Variants in STIP1 observed in about 807,000 individuals in gnomAD.
The protein encoded by STIP1 is stress-induced-phosphoprotein 1.
STIP1 carries 16 observed loss-of-function variants against 77.4 expected under a neutral mutation model. The ratio of observed to expected loss-of-function variants is 0.21; its 90% CI spans 0.14 to 0.31. The LOEUF is 0.31. Among genes scored for constraint, STIP1 ranks in the 10% least tolerant of loss-of-function variants. STIP1 has a pLI of 1.00. For synonymous variants in STIP1, 258 were observed against 246.6 expected (o/e 1.05, Z -0.44); for missense variants, 524 against 684.8 (o/e 0.77, Z 2.62).
At chr11:64,185,603 G>C (rs1946000368), upstream of STIP1, 1 of 595,742 alleles carries the variant, frequency 1.7e-6, no homozygotes, top group Admixed American at 3.1e-5. Context: ...CCCGGGGACC[G>C]CCTGGAACTC....
At position 64,203,551 on chromosome 11, in the gene STIP1, G is replaced by T; in HGVS notation, c.1488G>T (p.Gln496His). 2 of 1,614,206 alleles carry T rather than the reference G, an allele frequency of 1.2e-6. No individual in the cohort carries two copies. Among genetic ancestry groups the T allele is most frequent in the Non-Finnish European group, 1.7e-6 (2 of 1,180,042 alleles). Residue 496 changes from glutamine to histidine, a missense_variant, in exon 13 of 14, where the codon CAG (glutamine) becomes CAT (histidine). Transcript: ENST00000305218. ...KRRAMADPEV[Q>H]QIMSDPAMRL... is the part of the protein sequence containing the mutation. ...GAGCCATGGCCGACCCTGAGGTGCA[G>T]CAGATCATGAGTGACCCAGCCATGC...
chr11:64,193,260 T>C lies in STIP1; in HGVS notation c.192T>C (p.Thr64=), dbSNP rs1321683155. ...AGGCTTATGAGGATGGCTGCAAGACTGTCGACCTAAAGCCTGACTGGGGCA... is the reference window on the plus strand; with the variant it reads ...AGGCTTATGAGGATGGCTGCAAGACCGTCGACCTAAAGCCTGACTGGGGCA... ...YQKAYEDGCK[T]VDLKPDWGKG... Residue 64 remains threonine, a synonymous_variant, in exon 2 of 14, where the codon ACT becomes ACC. Coordinates refer to ENST00000305218, the MANE Select transcript of STIP1 (RefSeq NM_006819.3). The C allele has an allele frequency of 1.2e-6, 2 of 1,614,108 alleles. No homozygotes were observed. Among genetic ancestry groups the C allele is most frequent in the African/African-American group, 2.7e-5 (2 of 74,924 alleles).
intron 13 of STIP1, 63 bp from the exon 14 acceptor site, chr11:64,203,991 C>T: frequency 1.3e-6 from 2 of 1,590,136 alleles, no homozygotes; most frequent in African/African-American, 1.3e-5. Context: ...TTGGGGCTTG[C>T]TCTGAGAGCA....
chr11:64,186,711 G>A (rs1946024060), intron 1 of STIP1, among the ~76,000 whole-genome samples: 1 of 152,244 alleles, frequency 6.6e-6, no homozygotes, highest in South Asian at 2.1e-4. Flanking sequence ...GAAACCGCTC[G>A]GGACTTAGCC....
chr11:64,186,002 T>G, upstream of STIP1: 3 of 1,543,328 alleles, frequency 1.9e-6, no homozygotes, highest in Non-Finnish European at 2.6e-6. Context: ...CGCCCAATCC[T>G]GAGGTGCGGG....
In STIP1 at chr11:64,197,284, A is replaced by G; in HGVS notation, c.686A>G (p.Lys229Arg). The part of the protein sequence containing the change: ...PENKKQALKE[K>R]ELGNDAYKKK... The stretch of plus-strand genomic sequence containing the variant: ...AACCTCATCTAGGCACTGAAAGAAA[A>G]AGAGCTGGGGAACGATGCCTACAAG... Residue 229 changes from lysine (K) to arginine (R), a missense_variant, in exon 6 of 14, where the codon AAA (lysine) becomes AGA (arginine). Transcript: ENST00000305218. 6.2e-7 allele frequency: 1 copy of G among 1,614,064 alleles called. No homozygotes were observed. Among genetic ancestry groups the G allele is most frequent in the Non-Finnish European group, 8.5e-7 (1 of 1,180,002 alleles).
At chr11:64,203,969 G>A (rs1946252436) in intron 13 of STIP1, 85 bp from the exon 14 acceptor site, 1 of 1,518,406 alleles carries the variant, frequency 6.6e-7, no homozygotes, top group East Asian at 2.3e-5. Context: ...GCCTTCTGTA[G>A]AGGGGGTTGA....
At chr11:64,201,893 G>A (rs1319315191) in intron 10 of STIP1, among the ~76,000 whole-genome samples, 1 of 152,214 alleles carries the variant, frequency 6.6e-6, no homozygotes, top group African/African-American at 2.4e-5. Flanking sequence ...GTACTGCATA[G>A]TGTTCTCTTC....
upstream of STIP1, chr11:64,185,374 A>G: frequency 5.7e-6 from 1 of 174,690 alleles, no homozygotes; most frequent in South Asian, 1.1e-4. Context: ...CGCCGCGGTG[A>G]GATCCCCGGC....
At chr11:64,189,351 T>C (rs1032964210) in intron 1 of STIP1, among the ~76,000 whole-genome samples, 5 of 151,142 alleles carry the variant, frequency 3.3e-5, no homozygotes, top group Non-Finnish European at 7.4e-5. Flanking sequence ...ACAGCGAGAC[T>C]CCGTCTCAAA....
chr11:64,195,744 A>T lies in STIP1; in HGVS notation c.603A>T (p.Pro201=), dbSNP rs1261862262. Residue 201 remains proline, a synonymous_variant, in exon 5 of 14, where the codon CCA becomes CCT. Transcript: ENST00000305218. ...DEEEEIATPP[P]PPPPKKETKP... ...AGGAAGAGATTGCAACACCTCCACC[A>T]CCACCCCCTCCCAAAAAGGAGACCA... is the stretch of plus-strand genomic sequence containing the variant. 6.2e-7 allele frequency: 1 copy of T among 1,614,090 alleles called. No individual in the cohort carries two copies. The highest frequency in any genetic ancestry group is 1.1e-5 in the South Asian group (1 of 91,072).
chr11:64,187,335 G>C (rs1946034646), intron 1 of STIP1, among the ~76,000 whole-genome samples: 1 of 151,974 alleles, frequency 6.6e-6, no homozygotes, highest in Non-Finnish European at 1.5e-5. Flanking sequence ...TCCCGCTCGG[G>C]AGTACTACTG....
intron 1 of STIP1, among the ~76,000 whole-genome samples, chr11:64,192,207 G>T (rs556882838): frequency 1.3e-5 from 2 of 152,156 alleles, no homozygotes; most frequent in East Asian, 3.9e-4. Context: ...CCAGCTACTT[G>T]GGAGGCTGAG....
chr11:64,203,740 T>G (rs1453806210), intron 13 of STIP1, 118 bp downstream of exon 13: 7 of 1,379,454 alleles, frequency 5.1e-6, no homozygotes, highest in Admixed American at 2.0e-5. Flanking sequence ...CTGTCATTCT[T>G]CCTAAACTTA....
chr11:64,196,395 C>CAA lies in STIP1; in HGVS notation c.672+600_672+601dup, dbSNP rs57497154. On this transcript the variant is annotated intron_variant, in intron 5 of 13. Coordinates refer to ENST00000305218, the MANE Select transcript of STIP1 (RefSeq NM_006819.3). ...TGGGTGACAGAGCGAGACTCCATCTCAAAAAAAAAAAAAAAAAAAGCTTCA... is the reference window on the plus strand; with the variant it reads ...TGGGTGACAGAGCGAGACTCCATCTCAAAAAAAAAAAAAAAAAAAAAGCTTCA... 3.3e-3 allele frequency among the ~76,000 whole-genome samples: 227 copies of CAA among 69,420 alleles called. 2 individuals are homozygous for CAA. Among genetic ancestry groups the CAA allele is most frequent in the Middle Eastern group, 0.017 (2 of 118 alleles). 45.5% of individuals were successfully genotyped at this position (69,420 alleles called of 152,430 possible). A position where few individuals can be genotyped will look rare whatever the true frequency, so the allele number is the denominator to read the frequency against.
chr11:64,200,407 G>GTC, intron 10 of STIP1, 114 bp downstream of exon 10: 1 of 1,477,224 alleles, frequency 6.8e-7, no homozygotes. Flanking sequence ...TTGAGACAGT[G>GTC]TCTCACTCTG....
rs751707945 is a variant in STIP1, at chr11:64,194,550, A to G, written c.433A>G (p.Thr145Ala). The G allele has an allele frequency of 6.2e-7, 1 of 1,614,168 alleles. No homozygotes were observed. The highest frequency in any genetic ancestry group is 8.5e-7 in the Non-Finnish European group (1 of 1,180,036). The change falls in exon 4 of 14, where the codon ACA becomes GCA. Residue 145 changes from threonine (T) to alanine (A), a missense_variant. Physicochemically the swap from Thr to Ala is moderately conservative, Grantham distance 58 (BLOSUM62 0). Transcript: ENST00000305218. ...GTTGGAGAGTGATCCCAGGACAAGG[A>G]CACTACTCAGTGATCCTACCTACCG... is the stretch of plus-strand genomic sequence containing the variant. ...QKLESDPRTR[T>A]LLSDPTYREL...
At chr11:64,185,809 T>C (rs1415229710), upstream of STIP1, 3 of 1,535,714 alleles carry the variant, frequency 2.0e-6, no homozygotes, top group African/African-American at 1.4e-5. Flanking sequence ...GCTCTCATTC[T>C]GAAGGCGGTT....
chr11:64,193,044 A>G lies in STIP1; in HGVS notation c.10-34A>G, dbSNP rs764129066. 6 of 1,605,758 alleles carry G rather than the reference A, an allele frequency of 3.7e-6. No individual in the cohort carries two copies. In the East Asian group the frequency reaches 1.1e-4, roughly 30 times the overall value. Reference sequence around the variant, plus strand: ...TTAAAGCTTGGGATTAAATGGGCACATCATAGAGAAGCTGTGTGTTCCTTT... The same window carrying G: ...TTAAAGCTTGGGATTAAATGGGCACGTCATAGAGAAGCTGTGTGTTCCTTT... On this transcript the variant is annotated intron_variant, in intron 1 of 13. Coordinates refer to ENST00000305218, the MANE Select transcript of STIP1 (RefSeq NM_006819.3).
Sources: gnomAD v4.1 joint callset for allele counts (sites outside exome capture counted in the v4.1 genomes callset) on GRCh38, gnomAD v4.1.1 for gene constraint, MANE v1.5 for transcripts, NCBI Gene and HGNC (gene_info 2026-07-23, HGNC 2026-07-21) for gene names.